The following WDR45B variants were observed in gnomAD, a reference collection of about 807,000 sequenced individuals.
WDR45B encodes WD repeat domain phosphoinositide-interacting protein 3.
Under a neutral mutation model 44.6 loss-of-function variants are expected in WDR45B, and 20 were observed. The observed-to-expected ratio is 0.45, with a 90% confidence interval of 0.32 to 0.65. WDR45B has a LOEUF of 0.65. Among genes scored for constraint, WDR45B ranks in the 30% least tolerant of loss-of-function variants. WDR45B has a pLI of 0.05. For synonymous variants in WDR45B, 169 were observed against 164.9 expected, an observed-to-expected ratio of 1.02 and a Z score of -0.19; for missense variants, 323 against 430.2, an observed-to-expected ratio of 0.75 and a Z score of 2.20.
chr17:82,634,893 A>G (rs1393447655), intron 2 of WDR45B, among the ~76,000 whole-genome samples: 1 of 151,978 alleles, frequency 6.6e-6, no homozygotes, highest in Non-Finnish European at 1.5e-5. Flanking sequence ...GCTGCAACAG[A>G]GATCAACCTA....
At position 82,627,132 on chromosome 17, in the gene WDR45B, A is replaced by T; in HGVS notation, c.332+72T>A. ...TTTCCTAAACATTTTTCTGCCAAAA[A>T]TAGAAAAGTATTTCAGCCATCTTTT... On this transcript the variant is annotated intron_variant, in intron 4 of 9. Coordinates refer to ENST00000392325, the MANE Select transcript of WDR45B (RefSeq NM_019613.4). The T allele has an allele frequency of 3.2e-6, 4 of 1,258,126 alleles. No homozygotes were observed. The South Asian group carries it at 4.8e-5, about 15-fold the overall frequency. 77.9% of individuals were successfully genotyped at this position (1,258,126 alleles called of 1,614,324 possible). A position where few individuals can be genotyped will look rare whatever the true frequency, so the allele number is the denominator to read the frequency against.
intron 3 of WDR45B, chr17:82,629,884 T>A: frequency 1.0e-6 from 1 of 985,214 alleles, no homozygotes; most frequent in Non-Finnish European, 1.2e-6. Flanking sequence ...CACTTCCCAT[T>A]TGGCATGCGG....
chr17:82,625,625 A>T, intron 4 of WDR45B, 142 bp from the exon 5 acceptor site: 2 of 883,208 alleles, frequency 2.3e-6, no homozygotes, highest in Non-Finnish European at 3.6e-6. Context: ...AAAGCTCTGG[A>T]GGCAGGTAGC....
intron 1 of WDR45B, 40 bp downstream of exon 1, chr17:82,648,234 A>G (rs748095903): frequency 6.3e-7 from 1 of 1,586,960 alleles, no homozygotes; most frequent in Non-Finnish European, 8.6e-7. Flanking sequence ...GGCTGCGGGA[A>G]GGCCCGGCCG....
In WDR45B at chr17:82,648,326, C is replaced by T. The variant is rs781638718; in HGVS notation, c.15G>A (p.Pro5=). MNLL[P]CNPHGNGLLY... ...GCAGCCCGTTGCCGTGAGGGTTACA[C>T]GGCAGGAGGTTCATGGCGCCGCCGT... The change falls in exon 1 of 10, where the codon CCG becomes CCA. Residue 5 remains proline, a synonymous_variant. Transcript: ENST00000392325. 1.9e-6 allele frequency: 3 copies of T among 1,606,674 alleles called. No homozygotes were observed. Among genetic ancestry groups the T allele is most frequent in the East Asian group, 2.3e-5 (1 of 44,310 alleles).
chr17:82,617,732 G>A (rs1192164500), intron 7 of WDR45B, among the ~76,000 whole-genome samples: 2 of 152,070 alleles, frequency 1.3e-5, no homozygotes, highest in Non-Finnish European at 1.5e-5. Flanking sequence ...CACAAGACTC[G>A]GGTGAGAAAC....
At chr17:82,647,517 G>A (rs960542853) in intron 1 of WDR45B, among the ~76,000 whole-genome samples, 4 of 152,194 alleles carry the variant, frequency 2.6e-5, no homozygotes, top group African/African-American at 9.6e-5. Flanking sequence ...GGGGAAGGAG[G>A]TCACCTTCCC....
At chr17:82,644,215 T>C in intron 1 of WDR45B, 192 bp from the exon 2 acceptor site, 1 of 648,028 alleles carries the variant, frequency 1.5e-6, no homozygotes, top group Non-Finnish European at 2.8e-6. Context: ...CAGGGCATTT[T>C]GTTTGTCCTT....
intron 4 of WDR45B, chr17:82,626,980 G>T (rs2045706782): frequency 1.7e-6 from 1 of 577,548 alleles, no homozygotes; most frequent in East Asian, 3.1e-5. Flanking sequence ...CGTCATCCAC[G>T]CCACCACCTA....
chr17:82,616,650 GAAGAC>G lies in WDR45B; in HGVS notation c.807-10_807-6del, dbSNP rs1267370862. On this transcript the variant is annotated splice_region_variant and splice_polypyrimidine_tract_variant and intron_variant, in intron 8 of 9. Transcript: ENST00000392325. ...AGGAAACTGGCTGAGGCCAAACTGT[GAAGAC>G]AAGAAAAGAAAGGGTGGTTCAAAGT... 3.1e-6 allele frequency: 5 copies of G among 1,614,130 alleles called. No homozygotes were observed. In the East Asian group the frequency reaches 6.7e-5, roughly 22 times the overall value.
chr17:82,632,849 G>C (rs1022115053), intron 2 of WDR45B, among the ~76,000 whole-genome samples: 1 of 152,004 alleles, frequency 6.6e-6, no homozygotes, highest in South Asian at 2.1e-4. Context: ...GCAACATAAG[G>C]AAATCCCTTC....
chr17:82,647,431 C>T (rs887701987), intron 1 of WDR45B, among the ~76,000 whole-genome samples: 6 of 152,232 alleles, frequency 3.9e-5, no homozygotes, highest in Admixed American at 2.0e-4. Flanking sequence ...CCATCCGAAT[C>T]CAGGTCCCGC....
chr17:82,639,700 G>A (rs1246023116), intron 2 of WDR45B, among the ~76,000 whole-genome samples: 2 of 150,042 alleles, frequency 1.3e-5, no homozygotes, highest in Non-Finnish European at 3.0e-5. Context: ...GCTGTGTCAG[G>A]TCGAGAGGGC....
chr17:82,630,907 C>G lies in WDR45B; in HGVS notation c.244+14G>C. ...ACACGTGAGGCATGATTCTTCAATACACAATTACAGTACCTTTGTTGGGAG... is the reference window on the plus strand; with the variant it reads ...ACACGTGAGGCATGATTCTTCAATAGACAATTACAGTACCTTTGTTGGGAG... On this transcript the variant is annotated intron_variant, in intron 3 of 9. Transcript: ENST00000392325. The G allele has an allele frequency of 6.2e-7, 1 of 1,609,864 alleles. No individual in the cohort carries two copies. Among genetic ancestry groups the G allele is most frequent in the South Asian group, 1.1e-5 (1 of 90,962 alleles).
chr17:82,624,123 CTCCT>C (rs1483586411), intron 5 of WDR45B, among the ~76,000 whole-genome samples: 1 of 152,158 alleles, frequency 6.6e-6, no homozygotes, highest in Non-Finnish European at 1.5e-5. Flanking sequence ...CACGACACTC[CTCCT>C]TCCTAATAGC....
chr17:82,620,220 G>A (rs1326240704), intron 6 of WDR45B, among the ~76,000 whole-genome samples: 1 of 152,204 alleles, frequency 6.6e-6, no homozygotes, highest in East Asian at 1.9e-4. Context: ...GATCACCTGA[G>A]GTCGGGAGTT....
chr17:82,637,767 G>A (rs1374184002), intron 2 of WDR45B, among the ~76,000 whole-genome samples: 1 of 151,988 alleles, frequency 6.6e-6, no homozygotes, highest in Non-Finnish European at 1.5e-5. Flanking sequence ...CAAAGCTTCC[G>A]TGAAGCTCTC....
intron 1 of WDR45B, 139 bp from the exon 2 acceptor site, chr17:82,644,162 C>T (rs562470982): frequency 1.3e-6 from 1 of 773,404 alleles, no homozygotes; most frequent in Admixed American, 2.0e-5. Context: ...AGTCACAACT[C>T]CTGTCCTTGT....
At chr17:82,623,567 G>A (rs1050458985) in intron 5 of WDR45B, among the ~76,000 whole-genome samples, 6 of 151,750 alleles carry the variant, frequency 4.0e-5, no homozygotes, top group African/African-American at 1.5e-4. Flanking sequence ...AGGCATGGTG[G>A]TGTGCCTGTA....
Sources: allele counts gnomAD v4.1 joint callset (sites outside exome capture counted in the v4.1 genomes callset), GRCh38; gene constraint gnomAD v4.1.1; transcripts MANE v1.5; gene names NCBI Gene and HGNC (gene_info 2026-07-23, HGNC 2026-07-21).